FSTL4: variants seen among roughly 807,000 people sequenced by gnomAD.
FSTL4 encodes the protein follistatin like 4.
In FSTL4, 28 loss-of-function variants were observed where a neutral mutation model predicts 78.2. The observed-to-expected ratio is 0.36, with a 90% CI of 0.27 to 0.49. FSTL4 has a LOEUF of 0.49. FSTL4 is among the 20% of genes least tolerant of loss of function. FSTL4 has a pLI of 0.98. For synonymous variants in FSTL4, 422 were observed against 440.5 expected (o/e 0.96, Z 0.53); for missense variants, 922 against 1,084.9 (o/e 0.85, Z 2.11).
chr5:133,464,635 G>A (rs1439757514), intron 3 of FSTL4, among the ~76,000 whole-genome samples: 9 of 152,180 alleles, frequency 5.9e-5, no homozygotes, highest in Non-Finnish European at 8.8e-5. Context: ...GAGGGGAGAG[G>A]TGCAGGTCAG....
At chr5:133,493,590 C>T (rs993851983) in intron 3 of FSTL4, among the ~76,000 whole-genome samples, 2 of 152,176 alleles carry the variant, frequency 1.3e-5, no homozygotes, top group Non-Finnish European at 2.9e-5. Context: ...GCCCAAAGTA[C>T]ACTTGCTGTC....
chr5:133,539,027 G>A (rs546896024), intron 3 of FSTL4, among the ~76,000 whole-genome samples: 49 of 152,194 alleles, frequency 3.2e-4, no homozygotes, highest in Admixed American at 1.6e-3. Flanking sequence ...ATGGTGGTTC[G>A]GGGATCCACC....
the FSTL4 span, among the ~76,000 whole-genome samples, chr5:133,752,297 G>T: frequency 2.0e-5 from 3 of 152,264 alleles, no homozygotes; most frequent in East Asian, 1.9e-4. Context: ...TGGGCCCCTG[G>T]CTCAGACCCC....
chr5:133,308,344 T>A (rs541181974), intron 6 of FSTL4, among the ~76,000 whole-genome samples: 1 of 152,242 alleles, frequency 6.6e-6, no homozygotes, highest in African/African-American at 2.4e-5. Context: ...AAATTTTTGA[T>A]GAACCCCATG....
chr5:133,362,992 C>A (rs76087615), intron 4 of FSTL4, among the ~76,000 whole-genome samples: 2,760 of 152,190 alleles, frequency 0.018, 93 homozygotes, highest in African/African-American at 0.063. Context: ...TCTCCTGTCT[C>A]CTATAGCTGT....
intron 4 of FSTL4, among the ~76,000 whole-genome samples, chr5:133,325,082 G>A (rs547540045): frequency 7.2e-5 from 11 of 152,364 alleles, no homozygotes; most frequent in African/African-American, 2.4e-4. Flanking sequence ...CTTCTGGAGA[G>A]GAGGAGGAAA....
At chr5:133,363,302 C>G (rs1274221585) in intron 4 of FSTL4, among the ~76,000 whole-genome samples, 1 of 152,122 alleles carries the variant, frequency 6.6e-6, no homozygotes, top group African/African-American at 2.4e-5. Flanking sequence ...GGGGGTGTTC[C>G]AGGAGGCCCT....
intron 7 of FSTL4, among the ~76,000 whole-genome samples, chr5:133,243,556 G>T (rs1202669428): frequency 1.3e-5 from 2 of 152,220 alleles, no homozygotes; most frequent in Non-Finnish European, 2.9e-5. Flanking sequence ...AATTGCTGGG[G>T]GCTAGATATT....
intron 7 of FSTL4, among the ~76,000 whole-genome samples, chr5:133,235,874 G>T (rs753013323): frequency 6.6e-6 from 1 of 152,128 alleles, no homozygotes; most frequent in Non-Finnish European, 1.5e-5. Flanking sequence ...TTCTGGGACC[G>T]ACATATTTCT....
At chr5:133,765,959 G>A in the FSTL4 span, among the ~76,000 whole-genome samples, 1 of 152,176 alleles carries the variant, frequency 6.6e-6, no homozygotes, top group Non-Finnish European at 1.5e-5. Context: ...GTGCAGGAAA[G>A]TTTCCCCACC....
chr5:133,299,622 A>T (rs751718168), intron 6 of FSTL4, among the ~76,000 whole-genome samples: 1 of 152,198 alleles, frequency 6.6e-6, no homozygotes, highest in African/African-American at 2.4e-5. Flanking sequence ...CGAGGGAAGC[A>T]TCCAGAGGGG....
the FSTL4 span, among the ~76,000 whole-genome samples, chr5:133,729,129 C>A: frequency 6.6e-6 from 1 of 152,092 alleles, no homozygotes; most frequent in Non-Finnish European, 1.5e-5. Context: ...TCCTGAAAGG[C>A]AAGAGGGGTC....
intron 3 of FSTL4, among the ~76,000 whole-genome samples, chr5:133,557,274 C>T (rs2112934024): frequency 6.6e-6 from 1 of 152,332 alleles, no homozygotes; most frequent in African/African-American, 2.4e-5. Flanking sequence ...AGAGCACCTC[C>T]CCCCTGAAAC....
At chr5:133,203,026 G>A (rs1750380612) in intron 14 of FSTL4, among the ~76,000 whole-genome samples, 1 of 152,218 alleles carries the variant, frequency 6.6e-6, no homozygotes, top group Non-Finnish European at 1.5e-5. Context: ...CTGTCAGCTA[G>A]TGAGGCCCAA....
In FSTL4 at chr5:133,217,121, G is replaced by T. The variant is rs571969959; in HGVS notation, c.1608+108C>A. ...TACACATGAATCTTTTCTCCCTTCAGTCTGACCACCTGGCACAGGAGCTGG... is the reference window on the plus strand; with the variant it reads ...TACACATGAATCTTTTCTCCCTTCATTCTGACCACCTGGCACAGGAGCTGG... On this transcript the variant is annotated intron_variant, in intron 13 of 15. Transcript: ENST00000265342. The T allele has an allele frequency of 3.0e-5, 25 of 842,660 alleles. No homozygotes were observed. In the East Asian group the frequency reaches 6.1e-4, roughly 21 times the overall value. 52.2% of individuals were successfully genotyped at this position (842,660 alleles called of 1,614,324 possible).
chr5:133,804,812 C>T, the FSTL4 span, among the ~76,000 whole-genome samples: 1 of 151,820 alleles, frequency 6.6e-6, no homozygotes, highest in Non-Finnish European at 1.5e-5. Context: ...GGCATTGTGG[C>T]GGGCGCCTGT....
chr5:133,459,945 C>T (rs1332664033), intron 3 of FSTL4, among the ~76,000 whole-genome samples: 1 of 152,182 alleles, frequency 6.6e-6, no homozygotes, highest in East Asian at 1.9e-4. Flanking sequence ...AAAATAGGAT[C>T]TGGAGGCAGG....
chr5:133,658,054 T>A, the FSTL4 span, among the ~76,000 whole-genome samples: 1 of 152,172 alleles, frequency 6.6e-6, no homozygotes, highest in African/African-American at 2.4e-5. Context: ...AAAATGATCA[T>A]GAGATTTTTC....
At chr5:133,807,165 A>G in the FSTL4 span, among the ~76,000 whole-genome samples, 3 of 152,232 alleles carry the variant, frequency 2.0e-5, no homozygotes, top group Non-Finnish European at 4.4e-5. Flanking sequence ...GAGGCTAGGA[A>G]GAAAATATAC....
Sources: gnomAD v4.1 joint callset for allele counts (sites outside exome capture counted in the v4.1 genomes callset) on GRCh38, gnomAD v4.1.1 for gene constraint, MANE v1.5 for transcripts, NCBI Gene and HGNC (gene_info 2026-07-23, HGNC 2026-07-21) for gene names.